The following PRKG1 variants were observed in gnomAD, a reference collection of about 807,000 sequenced individuals.
The protein encoded by PRKG1 is cGMP-dependent protein kinase 1.
A neutral mutation model predicts 88.1 loss-of-function variants in PRKG1; 35 were observed. The observed-to-expected ratio is 0.40, with a 90% CI of 0.30 to 0.53. The LOEUF (loss-of-function observed/expected upper bound fraction) is 0.53, where lower values mean the gene tolerates loss of function less well. PRKG1 is among the 20% of genes least tolerant of loss of function. The probability of loss-of-function intolerance (pLI) is 0.59; values close to 1 mark genes in which losing one functional copy is unlikely to be tolerated. For missense variants in PRKG1, 540 were observed against 839.8 expected, an observed-to-expected ratio of 0.64 and a Z score of 4.41; for synonymous variants, 303 against 292.5, an observed-to-expected ratio of 1.04 and a Z score of -0.37.
At chr10:52,119,259 A>G (rs571823303) in intron 7 of PRKG1, among the ~76,000 whole-genome samples, 18 of 152,314 alleles carry the variant, frequency 1.2e-4, no homozygotes, top group South Asian at 4.1e-4. Flanking sequence ...CGACATGCAT[A>G]AAATCCTAAC....
At chr10:52,177,421 T>C (rs1033297051) in intron 9 of PRKG1, among the ~76,000 whole-genome samples, 1 of 152,132 alleles carries the variant, frequency 6.6e-6, no homozygotes, top group African/African-American at 2.4e-5. Context: ...TTATTGAAGA[T>C]GTTTATGTCT....
At chr10:51,856,205 T>G (rs1194652967) in intron 4 of PRKG1, among the ~76,000 whole-genome samples, 1 of 152,172 alleles carries the variant, frequency 6.6e-6, no homozygotes, top group Admixed American at 6.5e-5. Context: ...ATAATCCCCC[T>G]ATCTCAAAAG....
At chr10:51,628,020 T>C (rs200665632) in intron 3 of PRKG1, among the ~76,000 whole-genome samples, 22,358 of 86,230 alleles carry the variant, frequency 0.26, 5,130 homozygotes, top group East Asian at 0.49. Context: ...CTTTCTTTCT[T>C]TCTTTCTTTC....
At chr10:52,056,836 A>G (rs1846122505) in intron 6 of PRKG1, among the ~76,000 whole-genome samples, 1 of 152,106 alleles carries the variant, frequency 6.6e-6, no homozygotes, top group East Asian at 1.9e-4. Context: ...ATCATTAAGA[A>G]TATGTCACCA....
chr10:52,019,458 G>A (rs1159706365), intron 5 of PRKG1, among the ~76,000 whole-genome samples: 1 of 152,152 alleles, frequency 6.6e-6, no homozygotes, highest in Non-Finnish European at 1.5e-5. Flanking sequence ...CATCTCAAAG[G>A]GGTAGAGAAA....
At chr10:52,048,391 A>G (rs1413538028) in intron 5 of PRKG1, among the ~76,000 whole-genome samples, 2 of 152,304 alleles carry the variant, frequency 1.3e-5, no homozygotes, top group African/African-American at 2.4e-5. Context: ...CTGAGATTCA[A>G]TGAGAGATTA....
intron 3 of PRKG1, among the ~76,000 whole-genome samples, chr10:51,628,604 A>G (rs1195821669): frequency 1.3e-5 from 2 of 152,210 alleles, no homozygotes; most frequent in African/African-American, 4.8e-5. Flanking sequence ...CCATTTAGTT[A>G]ATAAATTAAG....
rs144499689 is a variant in PRKG1 at position 51,842,992 on chromosome 10, G to A, written c.698+38302G>A. ...GTTTAAAGCTTTGGCACATTTTGAG[G>A]TCAGATGGTCATTATGAATATAGTA... On this transcript the variant is annotated intron_variant, in intron 4 of 17. Coordinates refer to ENST00000373980, the MANE Select transcript of PRKG1 (RefSeq NM_006258.4). Among the ~76,000 whole-genome samples, 360 of 151,376 alleles carry A rather than the reference G, an allele frequency of 2.4e-3. 1 individual carries two copies. The highest frequency in any genetic ancestry group is 8.3e-3 in the African/African-American group (345 of 41,324).
At chr10:51,047,375 G>T (rs2132764821) in intron 1 of PRKG1, among the ~76,000 whole-genome samples, 1 of 152,260 alleles carries the variant, frequency 6.6e-6, no homozygotes, top group South Asian at 2.1e-4. Context: ...GATACATTTT[G>T]CAAAACACGT....
intron 13 of PRKG1, 24 bp from the exon 14 acceptor site, chr10:52,282,129 A>G (rs1413138270): frequency 6.4e-7 from 1 of 1,561,078 alleles, no homozygotes; most frequent in Non-Finnish European, 8.7e-7. Context: ...GAGCTTAAGT[A>G]TCTTGTTTTT....
At chr10:52,047,184 T>A (rs1348398936) in intron 5 of PRKG1, among the ~76,000 whole-genome samples, 1 of 152,084 alleles carries the variant, frequency 6.6e-6, no homozygotes, top group Non-Finnish European at 1.5e-5. Context: ...AATTTGTGGA[T>A]GATGATATGA....
chr10:52,047,781 G>A (rs1277431017), intron 5 of PRKG1, among the ~76,000 whole-genome samples: 1 of 152,018 alleles, frequency 6.6e-6, no homozygotes, highest in East Asian at 1.9e-4. Flanking sequence ...TTCCTTTGAG[G>A]AACTGACTGA....
intron 9 of PRKG1, among the ~76,000 whole-genome samples, chr10:52,229,538 G>A (rs1184428055): frequency 6.6e-6 from 1 of 152,152 alleles, no homozygotes; most frequent in African/African-American, 2.4e-5. Flanking sequence ...TGGCTTCTTG[G>A]CAACTCTGAT....
intron 7 of PRKG1, among the ~76,000 whole-genome samples, chr10:52,094,488 A>G (rs920396928): frequency 1.3e-5 from 2 of 151,792 alleles, no homozygotes; most frequent in Non-Finnish European, 2.9e-5. Context: ...TTATATCACC[A>G]CCGTTCATAT....
chr10:51,374,090 A>T (rs895292524), intron 2 of PRKG1, among the ~76,000 whole-genome samples: 1 of 128,838 alleles, frequency 7.8e-6, no homozygotes, highest in Non-Finnish European at 1.7e-5. Context: ...TGCAAAAAAA[A>T]AAAATATATA....
In PRKG1 at chr10:52,133,853, A is replaced by C; in HGVS notation, c.949A>C (p.Thr317Pro). 1 of 1,613,090 alleles carries C rather than the reference A, an allele frequency of 6.2e-7. No homozygotes were observed. Among genetic ancestry groups the C allele is most frequent in the Non-Finnish European group, 8.5e-7 (1 of 1,179,292 alleles). Reference protein sequence around the residue: ...EKALQGEDVRTANVIAAEAVT... With the variant: ...EKALQGEDVRPANVIAAEAVT... ...TTTTTCACATAGGGAAGATGTGAGA[A>C]CAGCAAACGTAATTGCTGCAGAAGC... is the stretch of plus-strand genomic sequence containing the variant. Residue 317 changes from threonine (T) to proline (P), a missense_variant, in exon 8 of 18, where the codon ACA becomes CCA. Thr to Pro is a conservative substitution (Grantham distance 38). This residue lies in a region of PRKG1 where 400 missense variants were observed against 562.7 expected (regional missense o/e 0.71). Transcript: ENST00000373980.
At chr10:52,150,177 A>T (rs867540796) in intron 8 of PRKG1, among the ~76,000 whole-genome samples, 6,162 of 106,682 alleles carry the variant, frequency 0.058, 382 homozygotes, top group African/African-American at 0.16. Flanking sequence ...TAATAATAAT[A>T]ATAATAATTT....
intron 3 of PRKG1, among the ~76,000 whole-genome samples, chr10:51,768,133 GT>G (rs1413607962): frequency 6.6e-6 from 1 of 152,062 alleles, no homozygotes; most frequent in Admixed American, 6.6e-5. Context: ...AAATGTAGTT[GT>G]TTTCATGAAA....
chr10:51,336,355 A>AAAATAAAT (rs537286851), intron 2 of PRKG1, among the ~76,000 whole-genome samples: 25 of 151,508 alleles, frequency 1.7e-4, no homozygotes, highest in African/African-American at 3.9e-4. Context: ...TCCATCTCAA[A>AAAATAAAT]AAATAAATAA....
Sources: gnomAD v4.1 joint callset for allele counts (sites outside exome capture counted in the v4.1 genomes callset) on GRCh38, gnomAD v4.1.1 for gene constraint, gnomAD v4.1.1 regional missense constraint, MANE v1.5 for transcripts, NCBI Gene and HGNC (gene_info 2026-07-23, HGNC 2026-07-21) for gene names.